SUMF1: variants seen among roughly 807,000 people sequenced by gnomAD.
SUMF1 encodes the protein sulfatase modifying factor 1.
Under a neutral mutation model 47.6 loss-of-function variants are expected in SUMF1, and 48 were observed. The ratio of observed to expected loss-of-function variants is 1.01; its 90% CI spans 0.80 to 1.28. The LOEUF is 1.28. Among genes scored for constraint, SUMF1 ranks in the 50% most tolerant of loss-of-function variants. The pLI is 0.00. For synonymous variants in SUMF1, 230 were observed against 192.1 expected, an observed-to-expected ratio of 1.20 and a Z score of -1.63; for missense variants, 571 against 485.4, an observed-to-expected ratio of 1.18 and a Z score of -1.66.
intron 8 of SUMF1, among the ~76,000 whole-genome samples, chr3:4,071,817 C>A (rs1695533073): frequency 6.6e-6 from 1 of 152,186 alleles, no homozygotes; most frequent in African/African-American, 2.4e-5. Flanking sequence ...AGAAAAACCC[C>A]TCATCTCCCT....
chr3:4,254,256 G>T (rs1191361301), intron 8 of SUMF1, among the ~76,000 whole-genome samples: 1 of 151,996 alleles, frequency 6.6e-6, no homozygotes, highest in African/African-American at 2.4e-5. Context: ...GAACAAAGCT[G>T]GATGGAGAAT....
intron 8 of SUMF1, among the ~76,000 whole-genome samples, chr3:4,162,563 G>A (rs946594618): frequency 6.6e-6 from 1 of 152,162 alleles, no homozygotes; most frequent in Non-Finnish European, 1.5e-5. Flanking sequence ...AGTTCAGCTT[G>A]GTGTTGCTTT....
At chr3:4,462,542 CT>C (rs1242509899) in intron 1 of SUMF1, among the ~76,000 whole-genome samples, 1 of 152,086 alleles carries the variant, frequency 6.6e-6, no homozygotes, top group African/African-American at 2.4e-5. Flanking sequence ...CCAGTCTTGT[CT>C]TTTTTTCACT....
chr3:4,169,669 C>G (rs868336296), intron 8 of SUMF1, among the ~76,000 whole-genome samples: 12 of 152,166 alleles, frequency 7.9e-5, no homozygotes, highest in Admixed American at 3.3e-4. Context: ...ATCACCGTTA[C>G]CAATACCCCG....
chr3:4,094,585 T>A (rs1692860115), intron 8 of SUMF1, among the ~76,000 whole-genome samples: 1 of 152,040 alleles, frequency 6.6e-6, no homozygotes, highest in South Asian at 2.1e-4. Context: ...CACTACACAG[T>A]CCCAGTTATG....
intron 8 of SUMF1, among the ~76,000 whole-genome samples, chr3:4,103,882 G>A (rs1009440127): frequency 1.3e-5 from 2 of 152,148 alleles, no homozygotes; most frequent in Non-Finnish European, 2.9e-5. Context: ...AAGAGCAGAA[G>A]CAGACCCTCC....
intron 8 of SUMF1, among the ~76,000 whole-genome samples, chr3:4,261,957 T>C (rs1044384650): frequency 4.6e-5 from 7 of 152,142 alleles, no homozygotes; most frequent in African/African-American, 9.7e-5. Context: ...CAGATTTCAC[T>C]AAGAAATAAA....
chr3:4,195,392 C>T (rs923012574), intron 8 of SUMF1, among the ~76,000 whole-genome samples: 1 of 152,078 alleles, frequency 6.6e-6, no homozygotes, highest in Non-Finnish European at 1.5e-5. Context: ...TCTCAAAGAA[C>T]TTATTCACAA....
rs2079734482 is a variant in SUMF1 at position 4,458,798 on chromosome 3, G to C, written c.271-5749C>G. Among the ~76,000 whole-genome samples the C allele has an allele frequency of 2.6e-5, 4 of 152,268 alleles. No individual in the cohort carries two copies. In the South Asian group the frequency reaches 8.3e-4, roughly 32 times the overall value. ...GTGAACCTGGGAGGCGGAGCTTGCAGCGAGCCGAGATGGAGCCACTGCACT... is the reference window on the plus strand; with the variant it reads ...GTGAACCTGGGAGGCGGAGCTTGCACCGAGCCGAGATGGAGCCACTGCACT... On this transcript the variant is annotated intron_variant, in intron 1 of 8. Transcript: ENST00000272902.
intron 7 of SUMF1, among the ~76,000 whole-genome samples, chr3:4,379,702 C>T (rs139949117): frequency 3.3e-5 from 5 of 152,152 alleles, no homozygotes; most frequent in Middle Eastern, 3.4e-3. Flanking sequence ...ATTAACTGGT[C>T]GTGGTGGCAC....
chr3:4,217,149 T>C (rs768674081), intron 8 of SUMF1, among the ~76,000 whole-genome samples: 52 of 152,140 alleles, frequency 3.4e-4, no homozygotes, highest in Non-Finnish European at 6.6e-4. Flanking sequence ...ATTAAAAACA[T>C]GTGGCACATA....
chr3:4,157,644 C>G (rs1396717351), intron 8 of SUMF1, among the ~76,000 whole-genome samples: 1 of 151,492 alleles, frequency 6.6e-6, no homozygotes, highest in Non-Finnish European at 1.5e-5. Flanking sequence ...CTCTAATCAT[C>G]AGAGTGATTT....
chr3:4,384,724 T>C (rs547174042), intron 7 of SUMF1, among the ~76,000 whole-genome samples: 1 of 152,284 alleles, frequency 6.6e-6, no homozygotes. Flanking sequence ...TGTTTAAATA[T>C]TCACCCACTG....
At chr3:4,137,902 A>G (rs1326384741) in intron 8 of SUMF1, among the ~76,000 whole-genome samples, 1 of 132,758 alleles carries the variant, frequency 7.5e-6, no homozygotes, top group Non-Finnish European at 1.7e-5. Context: ...TGCATATAGT[A>G]AACACTAATA....
intron 9 of SUMF1, among the ~76,000 whole-genome samples, chr3:4,043,428 A>G (rs1009638732): frequency 6.6e-6 from 1 of 152,102 alleles, no homozygotes; most frequent in African/African-American, 2.4e-5. Context: ...TCCTTTTCAA[A>G]CTATTTGTTC....
At chr3:4,399,651 G>C (rs566462916) in intron 7 of SUMF1, among the ~76,000 whole-genome samples, 14 of 152,184 alleles carry the variant, frequency 9.2e-5, no homozygotes, top group Non-Finnish European at 1.5e-4. Context: ...GGAGAGCCCA[G>C]GTCATGAAAA....
chr3:4,368,919 G>A (rs983641200), intron 8 of SUMF1, among the ~76,000 whole-genome samples: 1 of 152,152 alleles, frequency 6.6e-6, no homozygotes, highest in Non-Finnish European at 1.5e-5. Context: ...CTCTGAGTTG[G>A]CCCAGTACAG....
At position 4,236,497 on chromosome 3, in the gene SUMF1, T is replaced by C. The variant is rs568579402; in HGVS notation, c.1014+139833A>G. ...AGCCAGGCTCGCAGGCACCTGCCTA[T>C]AGTCCCAGCTACTCAGGAGGCCGAA... On this transcript the variant is annotated intron_variant and NMD_transcript_variant, in intron 8 of 12. Coordinates refer to the SUMF1 transcript ENST00000448413. Among the ~76,000 whole-genome samples, 134 of 152,248 alleles carry C rather than the reference T, an allele frequency of 8.8e-4. 1 individual carries two copies. Among genetic ancestry groups the C allele is most frequent in the Admixed American group, 5.2e-3 (80 of 15,284 alleles).
chr3:4,153,681 G>T lies in SUMF1; in HGVS notation c.1015-84936C>A, dbSNP rs955646241. On this transcript the variant is annotated intron_variant and NMD_transcript_variant, in intron 8 of 12. Transcript: ENST00000448413. ...CTATGGATTTCAGTTAAAAACTGGT[G>T]TTATTTCCTTATTTCAACATAACTA... Among the ~76,000 whole-genome samples, 3 of 151,230 alleles carry T rather than the reference G, an allele frequency of 2.0e-5. 1 individual carries two copies. Among genetic ancestry groups the T allele is most frequent in the African/African-American group, 7.4e-5 (3 of 40,732 alleles).
Sources: allele counts gnomAD v4.1 joint callset (sites outside exome capture counted in the v4.1 genomes callset), GRCh38; gene constraint gnomAD v4.1.1; transcripts MANE v1.5; gene names NCBI Gene and HGNC (gene_info 2026-07-23, HGNC 2026-07-21).